Variants in HS6ST3 observed in about 807,000 individuals in gnomAD.
HS6ST3 encodes heparan-sulfate 6-O-sulfotransferase 3.
A neutral mutation model predicts 36.7 loss-of-function variants in HS6ST3; 12 were observed. That is an observed-to-expected ratio of 0.33 (90% CI 0.21 to 0.53). The LOEUF (loss-of-function observed/expected upper bound fraction) is 0.53, where lower values mean the gene tolerates loss of function less well. HS6ST3 is among the 20% of genes least tolerant of loss of function. The pLI, the probability that HS6ST3 is intolerant of heterozygous loss-of-function variation, is 0.95. For synonymous variants in HS6ST3, 240 were observed against 257.5 expected (o/e 0.93, Z 0.65); for missense variants, 584 against 640.9 (o/e 0.91, Z 0.96).
intron 1 of HS6ST3, among the ~76,000 whole-genome samples, chr13:96,669,405 A>G (rs2056675850): frequency 6.6e-6 from 1 of 152,100 alleles, no homozygotes; most frequent in South Asian, 2.1e-4. Context: ...TTCAGGACAG[A>G]TTGTTGCCTA....
chr13:96,149,767 C>T (rs1290275853), intron 1 of HS6ST3, among the ~76,000 whole-genome samples: 1 of 152,098 alleles, frequency 6.6e-6, no homozygotes, highest in African/African-American at 2.4e-5. Context: ...TTTGAAGAAC[C>T]TGGAAAACTT....
intron 1 of HS6ST3, among the ~76,000 whole-genome samples, chr13:96,541,742 A>G (rs1021412405): frequency 7.2e-5 from 11 of 152,202 alleles, no homozygotes; most frequent in Non-Finnish European, 1.5e-4. Flanking sequence ...CTGTGACTTC[A>G]TGGAATATAT....
At chr13:96,657,978 A>G (rs1411359156) in intron 1 of HS6ST3, among the ~76,000 whole-genome samples, 3 of 152,150 alleles carry the variant, frequency 2.0e-5, no homozygotes, top group Non-Finnish European at 4.4e-5. Context: ...TGTAAGTGTC[A>G]CATCAAAATC....
intron 1 of HS6ST3, among the ~76,000 whole-genome samples, chr13:96,367,783 C>A (rs2055270286): frequency 6.6e-6 from 1 of 152,190 alleles, no homozygotes; most frequent in African/African-American, 2.4e-5. Context: ...CATATCCAAC[C>A]TAATCGGAAG....
chr13:96,613,715 C>G (rs1476607256), intron 1 of HS6ST3, among the ~76,000 whole-genome samples: 2 of 152,284 alleles, frequency 1.3e-5, no homozygotes, highest in East Asian at 1.9e-4. Context: ...TATTAAAACA[C>G]TGCTATTGTA....
intron 1 of HS6ST3, among the ~76,000 whole-genome samples, chr13:96,283,000 T>C (rs572813726): frequency 6.6e-5 from 10 of 152,180 alleles, no homozygotes; most frequent in Non-Finnish European, 1.5e-4. Flanking sequence ...CTGTCCCCAG[T>C]TCCAAAAGTC....
chr13:96,628,376 C>T (rs558251987), intron 1 of HS6ST3, among the ~76,000 whole-genome samples: 2 of 151,880 alleles, frequency 1.3e-5, no homozygotes, highest in Admixed American at 6.5e-5. Flanking sequence ...GTATGGCCTA[C>T]GTGATACCAA....
At chr13:96,573,517 C>T (rs925437962) in intron 1 of HS6ST3, 3 of 178,320 alleles carry the variant, frequency 1.7e-5, no homozygotes, top group Non-Finnish European at 3.5e-5. Context: ...GAAGAAGTCT[C>T]ATTTCAGAAA....
chr13:96,303,802 G>A lies in HS6ST3; in HGVS notation c.707+212233G>A, dbSNP rs140466070. On this transcript the variant is annotated intron_variant, in intron 1 of 1. Coordinates refer to ENST00000376705, the MANE Select transcript of HS6ST3 (RefSeq NM_153456.4). ...CACTTTGTTTTATAAATATCTAATC[G>A]AATTCACCTAAGATTTAATGACTGG... 4.7e-3 allele frequency among the ~76,000 whole-genome samples: 708 copies of A among 152,120 alleles called. 3 individuals are homozygous for A. The highest frequency in any genetic ancestry group is 8.6e-3 in the Non-Finnish European group (584 of 68,000).
At chr13:96,548,892 A>G (rs377714183) in intron 1 of HS6ST3, among the ~76,000 whole-genome samples, 1 of 152,168 alleles carries the variant, frequency 6.6e-6, no homozygotes, top group African/African-American at 2.4e-5. Flanking sequence ...TCTCATTCAA[A>G]AACACTCTTG....
At chr13:96,292,551 A>T (rs1258294514) in intron 1 of HS6ST3, among the ~76,000 whole-genome samples, 1 of 152,118 alleles carries the variant, frequency 6.6e-6, no homozygotes, top group Non-Finnish European at 1.5e-5. Context: ...TCAAATTCTT[A>T]ATTTTAGTTA....
At chr13:96,465,710 C>A (rs556283807) in intron 1 of HS6ST3, among the ~76,000 whole-genome samples, 1 of 152,032 alleles carries the variant, frequency 6.6e-6, no homozygotes, top group Non-Finnish European at 1.5e-5. Context: ...GTGGTGCTTA[C>A]ATAGGTGTTC....
chr13:96,812,800 C>CG (rs1878345003), intron 1 of HS6ST3, among the ~76,000 whole-genome samples: 1 of 152,126 alleles, frequency 6.6e-6, no homozygotes, highest in African/African-American at 2.4e-5. Context: ...CACACACACC[C>CG]CTTAGGCTTT....
At chr13:96,464,319 G>C (rs1422483089) in intron 1 of HS6ST3, among the ~76,000 whole-genome samples, 2 of 151,686 alleles carry the variant, frequency 1.3e-5, no homozygotes, top group Non-Finnish European at 2.9e-5. Flanking sequence ...TAATTGGTCA[G>C]GGAGACAAAT....
At chr13:96,116,804 G>C (rs2053896244) in intron 1 of HS6ST3, among the ~76,000 whole-genome samples, 1 of 152,166 alleles carries the variant, frequency 6.6e-6, no homozygotes, top group African/African-American at 2.4e-5. Flanking sequence ...CCACTGTTTT[G>C]TTGTGATTAT....
intron 1 of HS6ST3, among the ~76,000 whole-genome samples, chr13:96,408,544 G>A (rs2055490601): frequency 6.6e-6 from 1 of 152,204 alleles, no homozygotes; most frequent in Non-Finnish European, 1.5e-5. Context: ...AGAGAAAGAA[G>A]ATGTAGCTCT....
chr13:96,701,121 G>C (rs961486899), intron 1 of HS6ST3, among the ~76,000 whole-genome samples: 4 of 152,112 alleles, frequency 2.6e-5, no homozygotes, highest in Non-Finnish European at 5.9e-5. Context: ...AATCATCAGT[G>C]GTTTTAAATA....
intron 1 of HS6ST3, among the ~76,000 whole-genome samples, chr13:96,416,409 A>G (rs758084898): frequency 9.2e-5 from 14 of 152,214 alleles, no homozygotes; most frequent in Non-Finnish European, 1.9e-4. Context: ...CTGGAATGGT[A>G]TAAATTTTGC....
rs74712807 is a variant in HS6ST3, at chr13:96,699,961, T to C, written c.708-132529T>C. On this transcript the variant is annotated intron_variant, in intron 1 of 1. Coordinates refer to ENST00000376705, the MANE Select transcript of HS6ST3 (RefSeq NM_153456.4). ...GCTTTATTACACAACACCTTTAAAA[T>C]ATTTCATTTCTACTGAGTGATGAAC... Among the ~76,000 whole-genome samples, 925 of 152,342 alleles carry C rather than the reference T, an allele frequency of 6.1e-3. 7 individuals are homozygous for C. Among genetic ancestry groups the C allele is most frequent in the African/African-American group, 0.02 (837 of 41,592 alleles).
Sources: gnomAD v4.1 joint callset for allele counts (sites outside exome capture counted in the v4.1 genomes callset) on GRCh38, gnomAD v4.1.1 for gene constraint, MANE v1.5 for transcripts, NCBI Gene and HGNC (gene_info 2026-07-23, HGNC 2026-07-21) for gene names.